The following RALYL variants were observed in gnomAD, a reference collection of about 807,000 sequenced individuals.
The protein encoded by RALYL is RNA-binding Raly-like protein.
In RALYL, 29 loss-of-function variants were observed where a neutral mutation model predicts 35.1. The ratio of observed to expected loss-of-function variants is 0.83; its 90% CI spans 0.61 to 1.13. The LOEUF (loss-of-function observed/expected upper bound fraction) is 1.13, where lower values mean the gene tolerates loss of function less well. RALYL is among the 50% of genes most tolerant of loss of function. The pLI is 0.00. For missense variants in RALYL, 359 were observed against 360.4 expected (o/e 1.00, Z 0.03); for synonymous variants, 120 against 127.6 (o/e 0.94, Z 0.40).
chr8:84,732,367 C>T (rs188644880), intron 2 of RALYL, among the ~76,000 whole-genome samples: 3 of 151,970 alleles, frequency 2.0e-5, no homozygotes, highest in African/African-American at 2.4e-5. Context: ...GGGTAATTTT[C>T]GTAAGCTCCA....
intron 1 of RALYL, among the ~76,000 whole-genome samples, chr8:84,398,353 T>C (rs376584906): frequency 5.9e-5 from 9 of 152,116 alleles, no homozygotes; most frequent in African/African-American, 2.2e-4. Flanking sequence ...CTTTTTTTCA[T>C]ATATTGTATA....
At chr8:84,250,698 A>G (rs1318877158) in intron 1 of RALYL, among the ~76,000 whole-genome samples, 1 of 152,216 alleles carries the variant, frequency 6.6e-6, no homozygotes, top group Non-Finnish European at 1.5e-5. Flanking sequence ...GCAAAAATTG[A>G]CGCTGTAGTC....
intron 1 of RALYL, among the ~76,000 whole-genome samples, chr8:84,224,160 G>T (rs1230120538): frequency 6.6e-6 from 1 of 152,050 alleles, no homozygotes; most frequent in Non-Finnish European, 1.5e-5. Context: ...CTCACTTTTT[G>T]GGGCAAAATG....
At chr8:84,552,095 T>C (rs1035691413) in intron 2 of RALYL, among the ~76,000 whole-genome samples, 1 of 147,910 alleles carries the variant, frequency 6.8e-6, no homozygotes, top group Admixed American at 6.9e-5. Flanking sequence ...CGAGTAACTC[T>C]GTCAGAAACT....
At chr8:84,286,226 C>T (rs1222070422) in intron 1 of RALYL, among the ~76,000 whole-genome samples, 1 of 152,058 alleles carries the variant, frequency 6.6e-6, no homozygotes, top group Non-Finnish European at 1.5e-5. Flanking sequence ...CTGCGCCTGG[C>T]CGAATGTTTT....
chr8:84,893,080 C>A (rs566344919), intron 8 of RALYL, among the ~76,000 whole-genome samples: 1 of 152,168 alleles, frequency 6.6e-6, no homozygotes, highest in South Asian at 2.1e-4. Flanking sequence ...AAGAACCATA[C>A]AAAAAACATA....
chr8:84,447,663 C>T (rs1195565566), intron 1 of RALYL, among the ~76,000 whole-genome samples: 1 of 151,992 alleles, frequency 6.6e-6, no homozygotes, highest in African/African-American at 2.4e-5. Flanking sequence ...TCATTACATT[C>T]TCGTTGCTTC....
At chr8:84,628,401 G>A (rs533980619) in intron 2 of RALYL, among the ~76,000 whole-genome samples, 9 of 151,974 alleles carry the variant, frequency 5.9e-5, no homozygotes, top group African/African-American at 1.2e-4. Context: ...TTTTCTTCAC[G>A]GTGCTTCCTA....
chr8:84,468,284 G>A (rs553617460), intron 1 of RALYL, among the ~76,000 whole-genome samples: 58 of 152,158 alleles, frequency 3.8e-4, no homozygotes, highest in African/African-American at 9.9e-4. Flanking sequence ...GCTGGTACCC[G>A]TTGTTCCTTT....
intron 1 of RALYL, among the ~76,000 whole-genome samples, chr8:84,302,230 A>G (rs1840937420): frequency 6.6e-6 from 1 of 152,180 alleles, no homozygotes; most frequent in Non-Finnish European, 1.5e-5. Flanking sequence ...GTTGTTCCTT[A>G]AGAGAGCTTC....
At chr8:84,693,335 C>T (rs1407400878) in intron 2 of RALYL, among the ~76,000 whole-genome samples, 2 of 151,928 alleles carry the variant, frequency 1.3e-5, no homozygotes, top group East Asian at 3.9e-4. Flanking sequence ...GGGAAGCAAA[C>T]ACGTCCTTCT....
chr8:84,623,611 G>C (rs192880872), intron 2 of RALYL, among the ~76,000 whole-genome samples: 13 of 152,196 alleles, frequency 8.5e-5, no homozygotes, highest in African/African-American at 3.1e-4. Flanking sequence ...ATTAAGGGGA[G>C]AGTATGAGAT....
At chr8:84,640,906 A>T (rs935640608) in intron 2 of RALYL, among the ~76,000 whole-genome samples, 1 of 151,906 alleles carries the variant, frequency 6.6e-6, no homozygotes, top group Admixed American at 6.6e-5. Flanking sequence ...GACCATTATA[A>T]CTAGTTCCCT....
chr8:84,635,165 T>G (rs867652449), intron 2 of RALYL, among the ~76,000 whole-genome samples: 1 of 151,826 alleles, frequency 6.6e-6, no homozygotes, highest in Non-Finnish European at 1.5e-5. Flanking sequence ...ATATTTTTTT[T>G]ATTTTATTCT....
At chr8:84,248,185 AT>A (rs1279590377) in intron 1 of RALYL, among the ~76,000 whole-genome samples, 1 of 152,118 alleles carries the variant, frequency 6.6e-6, no homozygotes, top group Non-Finnish European at 1.5e-5. Context: ...ATGTGATTAA[AT>A]TTAGTTGGCT....
chr8:84,558,951 A>G (rs1232749738), intron 2 of RALYL, among the ~76,000 whole-genome samples: 2 of 152,100 alleles, frequency 1.3e-5, no homozygotes, highest in African/African-American at 4.8e-5. Context: ...GTAATCAACA[A>G]TACTACAAAT....
intron 1 of RALYL, among the ~76,000 whole-genome samples, chr8:84,507,761 T>C (rs948306524): frequency 1.9e-4 from 29 of 152,170 alleles, no homozygotes; most frequent in African/African-American, 7.0e-4. Flanking sequence ...GTGGACACTG[T>C]TGTCAATAAT....
At chr8:84,878,621 A>G (rs1586925467) in intron 7 of RALYL, among the ~76,000 whole-genome samples, 1 of 151,366 alleles carries the variant, frequency 6.6e-6, no homozygotes. Flanking sequence ...AAAAAACACT[A>G]ATACCCTCAG....
At chr8:84,227,305 G>A (rs1054477582) in intron 1 of RALYL, among the ~76,000 whole-genome samples, 13 of 151,708 alleles carry the variant, frequency 8.6e-5, no homozygotes, top group Middle Eastern at 3.4e-3. Flanking sequence ...TGATCCACCC[G>A]CCTCGGTCTC....
Sources: allele counts gnomAD v4.1 joint callset (sites outside exome capture counted in the v4.1 genomes callset), GRCh38; gene constraint gnomAD v4.1.1; transcripts MANE v1.5; gene names NCBI Gene and HGNC (gene_info 2026-07-23, HGNC 2026-07-21).